The following NKAIN2 variants were observed in gnomAD, a reference collection of about 807,000 sequenced individuals.
NKAIN2 encodes the protein sodium/potassium-transporting ATPase subunit beta-1-interacting protein 2.
Under a neutral mutation model 32.6 loss-of-function variants are expected in NKAIN2, and 14 were observed. The ratio of observed to expected loss-of-function variants is 0.43; its 90% CI spans 0.28 to 0.67. The LOEUF (loss-of-function observed/expected upper bound fraction) is 0.67. Among genes scored for constraint, NKAIN2 ranks in the 30% least tolerant of loss-of-function variants. The probability of loss-of-function intolerance (pLI) is 0.17; values close to 1 mark genes in which losing one functional copy is unlikely to be tolerated. For missense variants in NKAIN2, 198 were observed against 258.3 expected, an observed-to-expected ratio of 0.77 and a Z score of 1.60; for synonymous variants, 80 against 87.2, an observed-to-expected ratio of 0.92 and a Z score of 0.46.
At chr6:124,480,586 G>GTATTATTATTAT (rs60818370) in intron 3 of NKAIN2, among the ~76,000 whole-genome samples, 12 of 149,408 alleles carry the variant, frequency 8.0e-5, no homozygotes, top group African/African-American at 2.9e-4. Context: ...AGATGTTGAG[G>GTATTATTATTAT]TATTATTATT....
chr6:124,143,970 A>G (rs1183655239), intron 1 of NKAIN2, among the ~76,000 whole-genome samples: 1 of 152,222 alleles, frequency 6.6e-6, no homozygotes, highest in Non-Finnish European at 1.5e-5. Flanking sequence ...CACAAAGCGT[A>G]CAGTGTCTAG....
At chr6:124,480,888 G>A (rs1777418058) in intron 3 of NKAIN2, among the ~76,000 whole-genome samples, 1 of 151,976 alleles carries the variant, frequency 6.6e-6, no homozygotes, top group Non-Finnish European at 1.5e-5. Flanking sequence ...ATTCCTTTGT[G>A]GAACAACTGA....
intron 3 of NKAIN2, among the ~76,000 whole-genome samples, chr6:124,361,439 C>T (rs1179954555): frequency 1.3e-5 from 2 of 151,962 alleles, no homozygotes; most frequent in Admixed American, 1.3e-4. Flanking sequence ...ACTTATAGAG[C>T]GTAAAGGATA....
intron 3 of NKAIN2, among the ~76,000 whole-genome samples, chr6:124,476,061 A>AGTGTGTGTGT (rs1439410249): frequency 1.2e-4 from 10 of 85,702 alleles, no homozygotes; most frequent in African/African-American, 5.2e-4. Context: ...AGAGAGAGAG[A>AGTGTGTGTGT]GAGAGTGTGT....
chr6:124,251,101 AAGG>A (rs1793675024), intron 1 of NKAIN2, among the ~76,000 whole-genome samples: 1 of 152,030 alleles, frequency 6.6e-6, no homozygotes, highest in African/African-American at 2.4e-5. Flanking sequence ...TGTACACAAA[AAGG>A]AGAGAACTAG....
At chr6:124,261,976 A>G (rs1369222024) in intron 1 of NKAIN2, among the ~76,000 whole-genome samples, 1 of 152,064 alleles carries the variant, frequency 6.6e-6, no homozygotes, top group Non-Finnish European at 1.5e-5. Context: ...TCACCCAGTA[A>G]GTACCTATGT....
chr6:124,335,932 A>G (rs1583068180), intron 2 of NKAIN2, among the ~76,000 whole-genome samples: 1 of 152,110 alleles, frequency 6.6e-6, no homozygotes, highest in African/African-American at 2.4e-5. Flanking sequence ...ATAGACTAAG[A>G]TCTAAAATCT....
intron 2 of NKAIN2, among the ~76,000 whole-genome samples, chr6:124,321,711 G>T (rs1485714684): frequency 6.6e-6 from 1 of 152,046 alleles, no homozygotes; most frequent in East Asian, 1.9e-4. Context: ...GCTCTGGATG[G>T]CTAAGTGATT....
At chr6:124,403,560 A>G (rs1375584932) in intron 3 of NKAIN2, among the ~76,000 whole-genome samples, 1 of 152,178 alleles carries the variant, frequency 6.6e-6, no homozygotes, top group Non-Finnish European at 1.5e-5. Context: ...CAATGATTAT[A>G]TACATTTTTC....
chr6:124,225,832 T>G (rs545509285), intron 1 of NKAIN2, among the ~76,000 whole-genome samples: 1 of 152,028 alleles, frequency 6.6e-6, no homozygotes, highest in Non-Finnish European at 1.5e-5. Flanking sequence ...GAATATGTCA[T>G]AGGATCCAGA....
intron 3 of NKAIN2, among the ~76,000 whole-genome samples, chr6:124,547,685 G>A (rs1359033807): frequency 6.6e-6 from 1 of 152,106 alleles, no homozygotes; most frequent in Non-Finnish European, 1.5e-5. Context: ...CCTGTTTAAT[G>A]TTTTTGTCTC....
Position 124,286,752 on chromosome 6 carries a change from G to A in NKAIN2, c.192+3610G>A, listed in dbSNP as rs529028780. 9.2e-5 allele frequency among the ~76,000 whole-genome samples: 14 copies of A among 151,442 alleles called. No individual in the cohort carries two copies. In the South Asian group the frequency reaches 2.5e-3, roughly 27 times the overall value. On this transcript the variant is annotated intron_variant, in intron 2 of 6. Coordinates refer to ENST00000368417, the MANE Select transcript of NKAIN2 (RefSeq NM_001040214.3). ...GCTGGAGTGCAATGGTACGGTCTCC[G>A]CTCACTGCAAACTCCACCTCCCAGG...
At chr6:124,659,876 A>T (rs1193525722) in intron 4 of NKAIN2, among the ~76,000 whole-genome samples, 1 of 152,256 alleles carries the variant, frequency 6.6e-6, no homozygotes, top group East Asian at 1.9e-4. Flanking sequence ...TGTCCAGAAC[A>T]TTTGAATTAT....
At chr6:124,419,543 A>G (rs1203768284) in intron 3 of NKAIN2, among the ~76,000 whole-genome samples, 2 of 152,198 alleles carry the variant, frequency 1.3e-5, no homozygotes, top group African/African-American at 4.8e-5. Context: ...ATTTCACACC[A>G]GAAAAATGCA....
chr6:124,181,372 T>C (rs1283875345), intron 1 of NKAIN2, among the ~76,000 whole-genome samples: 1 of 152,172 alleles, frequency 6.6e-6, no homozygotes, highest in African/African-American at 2.4e-5. Context: ...CTTATTGTCT[T>C]GGTGATTAAC....
intron 4 of NKAIN2, among the ~76,000 whole-genome samples, chr6:124,773,701 C>G (rs1004542398): frequency 2.0e-5 from 3 of 152,108 alleles, no homozygotes; most frequent in Non-Finnish European, 2.9e-5. Flanking sequence ...ACATTAACTT[C>G]AGAAACACAA....
intron 4 of NKAIN2, among the ~76,000 whole-genome samples, chr6:124,705,643 C>G (rs1015509336): frequency 6.6e-6 from 1 of 152,030 alleles, no homozygotes; most frequent in Non-Finnish European, 1.5e-5. Context: ...AGACTAGAAA[C>G]AGGCAAATTA....
chr6:124,824,290 A>G lies in NKAIN2; in HGVS notation c.*1061A>G, dbSNP rs1324851588. 1.3e-5 allele frequency: 2 copies of G among 152,718 alleles called. No homozygotes were observed. The highest frequency in any genetic ancestry group is 2.9e-5 in the Non-Finnish European group (2 of 68,016). The allele number at this position is 152,718 out of a possible 1,614,324, so 9.5% of individuals were successfully genotyped here. ...TAGCTATGTTTACTCTTTTATATCT[A>G]ATTCAAATTGAAGACTCTACGTAGG... On this transcript the variant is annotated 3_prime_UTR_variant, in exon 7 of 7. Coordinates refer to ENST00000368417, the MANE Select transcript of NKAIN2 (RefSeq NM_001040214.3).
chr6:123,849,911 T>A (rs561440779), intron 1 of NKAIN2, among the ~76,000 whole-genome samples: 19 of 151,010 alleles, frequency 1.3e-4, no homozygotes, highest in Admixed American at 2.0e-4. Flanking sequence ...TTTAAAAAAA[T>A]TTTTTTGAGA....
Sources: allele counts gnomAD v4.1 joint callset (sites outside exome capture counted in the v4.1 genomes callset), GRCh38; gene constraint gnomAD v4.1.1; transcripts MANE v1.5; gene names NCBI Gene and HGNC (gene_info 2026-07-23, HGNC 2026-07-21).